The following SOX6 variants were observed in gnomAD, a reference collection of about 807,000 sequenced individuals.
The protein encoded by SOX6 is transcription factor SOX-6.
Under a neutral mutation model 97.8 loss-of-function variants are expected in SOX6, and 11 were observed. The ratio of observed to expected loss-of-function variants is 0.11; its 90% CI spans 0.07 to 0.19. The LOEUF (loss-of-function observed/expected upper bound fraction) is 0.19, where lower values mean the gene tolerates loss of function less well. SOX6 is among the 10% of genes least tolerant of loss of function. The pLI, the probability that SOX6 is intolerant of heterozygous loss-of-function variation, is 1.00. For synonymous variants in SOX6, 360 were observed against 371.4 expected, an observed-to-expected ratio of 0.97 and a Z score of 0.35; for missense variants, 810 against 1,039.5, an observed-to-expected ratio of 0.78 and a Z score of 3.04.
At chr11:16,159,842 CATT>C (rs1850700040) in intron 6 of SOX6, among the ~76,000 whole-genome samples, 1 of 152,076 alleles carries the variant, frequency 6.6e-6, no homozygotes, top group Non-Finnish European at 1.5e-5. Context: ...GGTGAAACTT[CATT>C]ATTACCAAAT....
chr11:16,583,467 C>A (rs1848049338), intron 4 of SOX6, among the ~76,000 whole-genome samples: 1 of 151,018 alleles, frequency 6.6e-6, no homozygotes, highest in African/African-American at 2.4e-5. Context: ...CTCTAGTAAC[C>A]ACTATTCTAC....
chr11:16,179,373 T>C (rs746704076), intron 6 of SOX6, among the ~76,000 whole-genome samples: 1 of 151,856 alleles, frequency 6.6e-6, no homozygotes, highest in Non-Finnish European at 1.5e-5. Context: ...CAGGAATATA[T>C]TATAATCAAA....
chr11:16,627,847 G>A (rs1186285348), intron 3 of SOX6, among the ~76,000 whole-genome samples: 1 of 152,046 alleles, frequency 6.6e-6, no homozygotes, highest in Non-Finnish European at 1.5e-5. Flanking sequence ...TTGCTTTTGA[G>A]GACTTAGTCA....
intron 2 of SOX6, among the ~76,000 whole-genome samples, chr11:16,722,561 GA>G (rs745419202): frequency 1.8e-4 from 27 of 152,020 alleles, no homozygotes; most frequent in Non-Finnish European, 2.9e-4. Context: ...TGAGACAGGA[GA>G]ATCACTTGAA....
intron 1 of SOX6, among the ~76,000 whole-genome samples, chr11:16,413,655 G>A (rs917450599): frequency 3.3e-5 from 5 of 151,318 alleles, no homozygotes; most frequent in Non-Finnish European, 7.4e-5. Flanking sequence ...CAAGTAGCTG[G>A]GATTACAGGC....
chr11:16,729,822 C>A (rs1172306129), intron 2 of SOX6, among the ~76,000 whole-genome samples: 2 of 151,924 alleles, frequency 1.3e-5, no homozygotes, highest in Admixed American at 1.3e-4. Context: ...ATTCAGGAGA[C>A]CCATCTCACG....
intron 4 of SOX6, among the ~76,000 whole-genome samples, chr11:16,204,549 A>T (rs71484705): frequency 6.9e-6 from 1 of 145,690 alleles, no homozygotes; most frequent in Non-Finnish European, 1.5e-5. Context: ...GGGAAGAGAA[A>T]CATTAAGAAA....
At chr11:16,304,338 G>A (rs1350926935) in intron 3 of SOX6, among the ~76,000 whole-genome samples, 1 of 152,120 alleles carries the variant, frequency 6.6e-6, no homozygotes, top group African/African-American at 2.4e-5. Flanking sequence ...GGTGGCCTTT[G>A]AGAACTGATT....
chr11:16,255,326 AT>A (rs1299567581), intron 3 of SOX6, among the ~76,000 whole-genome samples: 1 of 152,062 alleles, frequency 6.6e-6, no homozygotes, highest in Non-Finnish European at 1.5e-5. Context: ...TCAAACTCAT[AT>A]GGAACAGTCA....
At chr11:16,662,208 A>T (rs1166786647) in intron 3 of SOX6, among the ~76,000 whole-genome samples, 1 of 152,208 alleles carries the variant, frequency 6.6e-6, no homozygotes, top group Non-Finnish European at 1.5e-5. Flanking sequence ...TAGACTAGCA[A>T]CAAATTCCCT....
At chr11:16,359,673 C>G (rs1429201330), upstream of SOX6, among the ~76,000 whole-genome samples, 2 of 152,070 alleles carry the variant, frequency 1.3e-5, no homozygotes, top group East Asian at 3.9e-4. Flanking sequence ...ACAAATGCCA[C>G]TGATAAATGT....
intron 3 of SOX6, among the ~76,000 whole-genome samples, chr11:16,278,421 A>T (rs1854462186): frequency 6.6e-6 from 1 of 152,136 alleles, no homozygotes; most frequent in African/African-American, 2.4e-5. Flanking sequence ...AACATAAAAC[A>T]ATACAAGCTT....
chr11:16,207,340 C>T (rs940554630), intron 4 of SOX6, among the ~76,000 whole-genome samples: 5 of 152,108 alleles, frequency 3.3e-5, no homozygotes, highest in African/African-American at 7.2e-5. Context: ...CGGTGGCTCA[C>T]GCCTGTAATC....
chr11:16,427,835 G>T (rs1283933560), intron 1 of SOX6, among the ~76,000 whole-genome samples: 1 of 152,106 alleles, frequency 6.6e-6, no homozygotes, highest in African/African-American at 2.4e-5. Context: ...AATCCTTTGG[G>T]TATATACCCA....
At chr11:16,010,173 CAAAT>C (rs1489280626) in intron 13 of SOX6, among the ~76,000 whole-genome samples, 3 of 139,844 alleles carry the variant, frequency 2.1e-5, no homozygotes, top group East Asian at 2.1e-4. Context: ...CACACACACA[CAAAT>C]AAAGCTTCAG....
chr11:16,695,183 A>G (rs924522585), intron 3 of SOX6, among the ~76,000 whole-genome samples: 1 of 152,228 alleles, frequency 6.6e-6, no homozygotes, highest in African/African-American at 2.4e-5. Flanking sequence ...CATCAGGGAT[A>G]AAAAGAAGAC....
intron 4 of SOX6, among the ~76,000 whole-genome samples, chr11:16,571,045 T>C (rs550677962): frequency 1.9e-4 from 29 of 152,312 alleles, no homozygotes; most frequent in African/African-American, 6.5e-4. Context: ...TTTAATCTAC[T>C]TGAACACTTC....
intron 3 of SOX6, among the ~76,000 whole-genome samples, chr11:16,648,828 A>G: frequency 6.6e-6 from 1 of 152,240 alleles, no homozygotes; most frequent in Non-Finnish European, 1.5e-5. Context: ...TCAAGGAGAT[A>G]CCAAAGAAAG....
chr11:16,716,082 A>C (rs1383825979), intron 2 of SOX6, among the ~76,000 whole-genome samples: 1 of 152,172 alleles, frequency 6.6e-6, no homozygotes. Flanking sequence ...TAAAAATACA[A>C]AAATTTATCC....
Sources: gnomAD v4.1 joint callset for allele counts (sites outside exome capture counted in the v4.1 genomes callset) on GRCh38, gnomAD v4.1.1 for gene constraint, MANE v1.5 for transcripts, NCBI Gene and HGNC (gene_info 2026-07-23, HGNC 2026-07-21) for gene names.